Variants in PCDHGB6 observed in about 807,000 individuals in gnomAD.
PCDHGB6 encodes protocadherin gamma-B6.
In PCDHGB6, 51 loss-of-function variants were observed where a neutral mutation model predicts 59.1. The ratio of observed to expected loss-of-function variants is 0.86; its 90% CI spans 0.69 to 1.09. The LOEUF (loss-of-function observed/expected upper bound fraction) is 1.09. PCDHGB6 is among the 50% of genes least tolerant of loss of function. PCDHGB6 has a pLI of 0.00. For missense variants in PCDHGB6, 1,148 were observed against 1,205.1 expected (o/e 0.95, Z 0.70); for synonymous variants, 466 against 495.1 (o/e 0.94, Z 0.78).
At position 141,447,667 on chromosome 5, in the gene PCDHGB6, G is replaced by A. The variant is rs115529144; in HGVS notation, c.2418+37047G>A. 2.4e-3 allele frequency among the ~76,000 whole-genome samples: 372 copies of A among 152,278 alleles called. 2 individuals are homozygous for A. Among genetic ancestry groups the A allele is most frequent in the African/African-American group, 8.6e-3 (358 of 41,546 alleles). The stretch of plus-strand genomic sequence containing the variant: ...TAGAATTTTCCCCCCCAGGAAGTTA[G>A]AACTGTTCCATATCTTGATAGAGGG... On this transcript the variant is annotated intron_variant, in intron 1 of 3. Transcript: ENST00000520790.
At position 141,477,706 on chromosome 5, in the gene PCDHGB6, G is replaced by A. The variant is rs1490514142; in HGVS notation, c.2419-17101G>A. 6 of 1,613,988 alleles carry A rather than the reference G, an allele frequency of 3.7e-6. No homozygotes were observed. Among genetic ancestry groups the A allele is most frequent in the Non-Finnish European group, 5.1e-6 (6 of 1,180,044 alleles). ...TAGTGCCCCTAGACTATGAGGATCGGCGGGAATTTGAATTAACAGCTCATA... is the reference window on the plus strand; with the variant it reads ...TAGTGCCCCTAGACTATGAGGATCGACGGGAATTTGAATTAACAGCTCATA... On this transcript the variant is annotated intron_variant, in intron 1 of 3. Transcript: ENST00000520790. This position sits in a 1 kb window ranked among gnomAD's most constrained non-coding sequence, Gnocchi z 4.9.
intron 1 of PCDHGB6, chr5:141,428,329 A>G (rs928788851): frequency 4.8e-6 from 3 of 627,180 alleles, no homozygotes; most frequent in South Asian, 3.5e-5. Context: ...CTTGATTTCT[A>G]TGCTCTTCTT....
At chr5:141,467,008 AT>A (rs1165146249) in intron 1 of PCDHGB6, among the ~76,000 whole-genome samples, 2 of 150,270 alleles carry the variant, frequency 1.3e-5, no homozygotes, top group Non-Finnish European at 3.0e-5. Context: ...TTGCAATGCA[AT>A]TTTTTTCCCT....
At chr5:141,414,740 G>A (rs776833780) in intron 1 of PCDHGB6, 1 of 1,614,208 alleles carries the variant, frequency 6.2e-7, no homozygotes, top group South Asian at 1.1e-5. Flanking sequence ...TATGCACTCA[G>A]ATCCTTCGAC....
chr5:141,441,954 C>T, intron 1 of PCDHGB6: 1 of 319,608 alleles, frequency 3.1e-6, no homozygotes, highest in Non-Finnish European at 6.0e-6. Context: ...TGCAGGCCAG[C>T]AAGCCCAGGC....
At chr5:141,483,988 G>A (rs78891657) in intron 1 of PCDHGB6, among the ~76,000 whole-genome samples, 1,520 of 149,036 alleles carry the variant, frequency 0.01, 30 homozygotes, top group African/African-American at 0.037. Flanking sequence ...TAGCTAGGTT[G>A]CTGGGAGGTC....
intron 1 of PCDHGB6, among the ~76,000 whole-genome samples, chr5:141,472,346 C>G (rs1393301393): frequency 6.6e-6 from 1 of 151,722 alleles, no homozygotes; most frequent in Non-Finnish European, 1.5e-5. Flanking sequence ...TCGAGACCAT[C>G]CTGGCTAACA....
intron 1 of PCDHGB6, chr5:141,413,768 TG>T (rs1158107882): frequency 2.5e-6 from 4 of 1,613,132 alleles, no homozygotes; most frequent in Non-Finnish European, 3.4e-6. Context: ...TACCCGGAGC[TG>T]GTACTGGAGC....
Position 141,432,292 on chromosome 5 carries a change from T to G in PCDHGB6, c.2418+21672T>G. 6.2e-7 allele frequency: 1 copy of G among 1,614,196 alleles called. No homozygotes were observed. The highest frequency in any genetic ancestry group is 8.5e-7 in the Non-Finnish European group (1 of 1,180,042). On this transcript the variant is annotated intron_variant, in intron 1 of 3. Transcript: ENST00000520790. This position sits in a 1 kb window ranked among gnomAD's most constrained non-coding sequence, Gnocchi z 6.0. Reference sequence around the variant, plus strand: ...CCTACGTGTCCATCAACTCCGACACTGGGGTACTGTATGCGCTGAGCTCCT... The same window carrying G: ...CCTACGTGTCCATCAACTCCGACACGGGGGTACTGTATGCGCTGAGCTCCT...
In PCDHGB6 at chr5:141,441,656, CT is replaced by C. The variant is rs200391207; in HGVS notation, c.2418+31038del. 8.0e-3 allele frequency: 1,976 copies of C among 247,682 alleles called. 54 individuals carry two copies. The highest frequency in any genetic ancestry group is 0.043 in the African/African-American group (1,846 of 42,486). The allele number at this position is 247,682 out of a possible 1,614,324, so 15.3% of individuals were successfully genotyped here. A position where few individuals can be genotyped will look rare whatever the true frequency, so the allele number is the denominator to read the frequency against. On this transcript the variant is annotated intron_variant, in intron 1 of 3. Coordinates refer to ENST00000520790, the MANE Select transcript of PCDHGB6 (RefSeq NM_018926.3). ...CACAGGCGCTGTGATTCTAGGTGTC[CT>C]TGAGCGCACAGTGCGCCTTCGACCA...
At chr5:141,501,550 A>G (rs1251701030) in intron 2 of PCDHGB6, among the ~76,000 whole-genome samples, 3 of 152,078 alleles carry the variant, frequency 2.0e-5, no homozygotes, top group Non-Finnish European at 4.4e-5. Flanking sequence ...ATAAGATCAT[A>G]GGCCCTGGAA....
At chr5:141,502,406 T>G (rs1390520101) in intron 2 of PCDHGB6, among the ~76,000 whole-genome samples, 1 of 152,072 alleles carries the variant, frequency 6.6e-6, no homozygotes, top group African/African-American at 2.4e-5. Context: ...TCCCCGAACC[T>G]GGATTTGCTG....
At position 141,489,657 on chromosome 5, in the gene PCDHGB6, G is replaced by T. The variant is rs755618175; in HGVS notation, c.2419-5150G>T. 6.2e-7 allele frequency: 1 copy of T among 1,614,198 alleles called. No individual in the cohort carries two copies. Among genetic ancestry groups the T allele is most frequent in the Admixed American group, 1.7e-5 (1 of 60,030 alleles). ...CTAGCTTTGCCACCCCTGAGCGAGA[G>T]ATGCGCATCTCAGAATCAGCAGCAT... On this transcript the variant is annotated intron_variant, in intron 1 of 3. Coordinates refer to ENST00000520790, the MANE Select transcript of PCDHGB6 (RefSeq NM_018926.3). This position sits in a 1 kb window ranked among gnomAD's most constrained non-coding sequence, Gnocchi z 4.5.
intron 3 of PCDHGB6, among the ~76,000 whole-genome samples, chr5:141,506,402 G>C (rs1032556978): frequency 7.0e-6 from 1 of 143,732 alleles, no homozygotes; most frequent in African/African-American, 2.6e-5. Context: ...GCAGAAAATC[G>C]CACCACTGCA....
rs2097527384 is a variant in PCDHGB6 at position 141,432,674 on chromosome 5, A to G, written c.2418+22054A>G. 2 of 1,613,856 alleles carry G rather than the reference A, an allele frequency of 1.2e-6. No homozygotes were observed. The highest frequency in any genetic ancestry group is 4.5e-5 in the East Asian group (2 of 44,840). On this transcript the variant is annotated intron_variant, in intron 1 of 3. Coordinates refer to ENST00000520790, the MANE Select transcript of PCDHGB6 (RefSeq NM_018926.3). The surrounding 1 kb of genome is among the most constrained non-coding windows in gnomAD (Gnocchi z 6.0). ...AGCCCTGCTGGACAGAGACGCGCTCAAGCAGAGCCTCGTAGTGGCCGTCCA... is the reference window on the plus strand; with the variant it reads ...AGCCCTGCTGGACAGAGACGCGCTCGAGCAGAGCCTCGTAGTGGCCGTCCA...
At chr5:141,450,957 T>G (rs2154563418) in intron 1 of PCDHGB6, among the ~76,000 whole-genome samples, 1 of 152,010 alleles carries the variant, frequency 6.6e-6, no homozygotes, top group Non-Finnish European at 1.5e-5. Context: ...CCCAAGTAGC[T>G]GGGATTACAG....
intron 1 of PCDHGB6, among the ~76,000 whole-genome samples, chr5:141,465,824 T>A (rs1447359333): frequency 6.6e-6 from 1 of 152,076 alleles, no homozygotes; most frequent in Non-Finnish European, 1.5e-5. Context: ...ATCACATTTG[T>A]TTAAAATTTC....
At chr5:141,418,922 C>A in intron 1 of PCDHGB6, 1 of 1,613,994 alleles carries the variant, frequency 6.2e-7, no homozygotes, top group Non-Finnish European at 8.5e-7. Context: ...ACTCTCTGAT[C>A]AGATTATGGA....
chr5:141,476,666 G>C lies in PCDHGB6; in HGVS notation c.2419-18141G>C, dbSNP rs2099395856. On this transcript the variant is annotated intron_variant, in intron 1 of 3. Coordinates refer to ENST00000520790, the MANE Select transcript of PCDHGB6 (RefSeq NM_018926.3). This position sits in a 1 kb window ranked among gnomAD's most constrained non-coding sequence, Gnocchi z 7.6. The stretch of plus-strand genomic sequence containing the variant: ...CCGAAATGAATACTTTGCGCTTCGC[G>C]TGCAGACGCGGGAGGACAGCACCAA... 6.2e-7 allele frequency: 1 copy of C among 1,614,246 alleles called. No individual in the cohort carries two copies. The highest frequency in any genetic ancestry group is 8.5e-7 in the Non-Finnish European group (1 of 1,180,044).
Sources: gnomAD v4.1 joint callset for allele counts (sites outside exome capture counted in the v4.1 genomes callset) on GRCh38, gnomAD v4.1.1 for gene constraint, Gnocchi (gnomAD v3.1) non-coding constraint, MANE v1.5 for transcripts, NCBI Gene and HGNC (gene_info 2026-07-23, HGNC 2026-07-21) for gene names.